Variants in MDGA2 observed in about 807,000 individuals in gnomAD.
MDGA2 encodes MAM domain containing glycosylphosphatidylinositol anchor 2.
MDGA2 carries 40 observed loss-of-function variants against 117.8 expected under a neutral mutation model. The observed-to-expected ratio is 0.34, with a 90% confidence interval of 0.26 to 0.44. MDGA2 has a LOEUF of 0.44. MDGA2 is among the 20% of genes least tolerant of loss of function. The pLI is 1.00. For synonymous variants in MDGA2, 452 were observed against 439.0 expected (o/e 1.03, Z -0.37); for missense variants, 1,123 against 1,250.6 (o/e 0.90, Z 1.54).
chr14:47,376,456 T>C (rs1368175069), intron 1 of MDGA2, among the ~76,000 whole-genome samples: 1 of 152,204 alleles, frequency 6.6e-6, no homozygotes, highest in Non-Finnish European at 1.5e-5. Flanking sequence ...TGTTGTCTTA[T>C]TCAAGTTGTA....
At chr14:47,659,173 G>A (rs1897799609) in intron 1 of MDGA2, among the ~76,000 whole-genome samples, 1 of 152,158 alleles carries the variant, frequency 6.6e-6, no homozygotes, top group Admixed American at 6.5e-5. Context: ...CTAAGATTAT[G>A]ACCAAACTAA....
chr14:47,048,474 A>C (rs1889342114), intron 7 of MDGA2, among the ~76,000 whole-genome samples: 1 of 152,130 alleles, frequency 6.6e-6, no homozygotes, highest in African/African-American at 2.4e-5. Flanking sequence ...TGCAATAAAA[A>C]GGCCATTTGT....
At chr14:47,582,612 T>A (rs2138842824) in intron 1 of MDGA2, among the ~76,000 whole-genome samples, 1 of 152,022 alleles carries the variant, frequency 6.6e-6, no homozygotes, top group East Asian at 1.9e-4. Context: ...GCAAACATTA[T>A]GGCTTCTACT....
intron 1 of MDGA2, among the ~76,000 whole-genome samples, chr14:47,372,229 G>GA (rs1180240618): frequency 1.3e-5 from 2 of 151,042 alleles, no homozygotes; most frequent in Non-Finnish European, 3.0e-5. Flanking sequence ...ATGACTGGGG[G>GA]AAAAAAGAAT....
intron 1 of MDGA2, among the ~76,000 whole-genome samples, chr14:47,561,158 G>GTTTTTTTTTTTTTTTTTTTTTTTTTT (rs200625450): frequency 5.4e-5 from 3 of 55,066 alleles, no homozygotes; most frequent in Non-Finnish European, 8.7e-5. Flanking sequence ...TTTTTGTTTT[G>GTTTTTTTTTTTTTTTTTTTTTTTTTT]TTTTGTTTTT....
At chr14:47,519,035 C>A (rs1894813640) in intron 1 of MDGA2, among the ~76,000 whole-genome samples, 1 of 151,998 alleles carries the variant, frequency 6.6e-6, no homozygotes, top group Admixed American at 6.6e-5. Flanking sequence ...GAAACCCCGT[C>A]TCTACTAAAA....
chr14:47,525,121 C>A (rs1489313097), intron 1 of MDGA2, among the ~76,000 whole-genome samples: 1 of 152,166 alleles, frequency 6.6e-6, no homozygotes, highest in Non-Finnish European at 1.5e-5. Context: ...TGCTTCCTTG[C>A]AGCTTGCATC....
At chr14:47,440,304 G>A (rs1384683148) in intron 1 of MDGA2, among the ~76,000 whole-genome samples, 1 of 152,082 alleles carries the variant, frequency 6.6e-6, no homozygotes, top group Non-Finnish European at 1.5e-5. Flanking sequence ...CATCTCTGAA[G>A]TGTGATCTCC....
chr14:47,333,479 C>T (rs1434599846), intron 1 of MDGA2, among the ~76,000 whole-genome samples: 2 of 151,776 alleles, frequency 1.3e-5, no homozygotes, highest in Non-Finnish European at 2.9e-5. Flanking sequence ...TCCCAAATTA[C>T]CAAAAATATG....
At chr14:47,119,188 ACC>A (rs1276838309) in intron 5 of MDGA2, among the ~76,000 whole-genome samples, 2 of 54,026 alleles carry the variant, frequency 3.7e-5, no homozygotes, top group African/African-American at 5.8e-5. Context: ...CCCCCCCCCC[ACC>A]CCGTAGCTGG....
intron 6 of MDGA2, among the ~76,000 whole-genome samples, chr14:47,081,410 A>C (rs1890703585): frequency 6.6e-6 from 1 of 152,128 alleles, no homozygotes; most frequent in Non-Finnish European, 1.5e-5. Context: ...ATATAATTTC[A>C]CAAAACTATT....
intron 6 of MDGA2, among the ~76,000 whole-genome samples, chr14:47,076,026 ATAAC>A (rs1293474488): frequency 8.5e-5 from 13 of 152,128 alleles, no homozygotes; most frequent in African/African-American, 3.1e-4. Flanking sequence ...AACCCAAAGA[ATAAC>A]TAACAAATAA....
intron 1 of MDGA2, among the ~76,000 whole-genome samples, chr14:47,409,592 C>G (rs1317181922): frequency 6.6e-6 from 1 of 152,138 alleles, no homozygotes; most frequent in African/African-American, 2.4e-5. Flanking sequence ...CTAATCAGTA[C>G]TGTAGGTACA....
intron 1 of MDGA2, among the ~76,000 whole-genome samples, chr14:47,610,936 A>C (rs112772735): frequency 1.6e-3 from 249 of 152,270 alleles, no homozygotes; most frequent in African/African-American, 5.7e-3. Flanking sequence ...ATCTGAGGGC[A>C]TCACACTACC....
At chr14:47,096,341 C>T (rs1025692185) in intron 6 of MDGA2, among the ~76,000 whole-genome samples, 10 of 151,976 alleles carry the variant, frequency 6.6e-5, no homozygotes, top group South Asian at 2.1e-4. Context: ...TTTAGAACAC[C>T]GTATCATATG....
intron 1 of MDGA2, among the ~76,000 whole-genome samples, chr14:47,305,875 C>G (rs968947865): frequency 2.0e-5 from 3 of 152,162 alleles, no homozygotes; most frequent in African/African-American, 7.2e-5. Context: ...GGGAGTCTAA[C>G]AAGTTTCGCA....
intron 1 of MDGA2, among the ~76,000 whole-genome samples, chr14:47,549,059 T>C (rs1955802): frequency 1.3e-5 from 2 of 152,028 alleles, no homozygotes; most frequent in East Asian, 3.9e-4. Flanking sequence ...ACAGGTCAAA[T>C]AGTGACAAAT....
intron 1 of MDGA2, among the ~76,000 whole-genome samples, chr14:47,322,705 G>A (rs1019257849): frequency 6.6e-6 from 1 of 152,082 alleles, no homozygotes; most frequent in African/African-American, 2.4e-5. Flanking sequence ...TTCTCAGTTC[G>A]GGTTCAGACA....
intron 2 of MDGA2, among the ~76,000 whole-genome samples, chr14:47,234,767 A>C (rs2139583371): frequency 1.3e-5 from 2 of 152,262 alleles, no homozygotes; most frequent in East Asian, 3.9e-4. Flanking sequence ...TACAATACAC[A>C]TAAGACTTCC....
Sources: gnomAD v4.1 joint callset for allele counts (sites outside exome capture counted in the v4.1 genomes callset) on GRCh38, gnomAD v4.1.1 for gene constraint, MANE v1.5 for transcripts, NCBI Gene and HGNC (gene_info 2026-07-23, HGNC 2026-07-21) for gene names.